CFAP299: variants seen among roughly 807,000 people sequenced by gnomAD.
CFAP299 encodes the protein cilia and flagella associated protein 299, also known as cilia- and flagella-associated protein 299.
A neutral mutation model predicts 27.0 loss-of-function variants in CFAP299; 21 were observed. The observed-to-expected ratio is 0.78, with a 90% CI of 0.55 to 1.12. The LOEUF is 1.12. Ranked by LOEUF, CFAP299 falls within the 50% of genes most tolerant of loss-of-function variation. CFAP299 has a pLI of 0.00. For missense variants in CFAP299, 310 were observed against 276.6 expected (o/e 1.12, Z -0.86); for synonymous variants, 104 against 98.1 (o/e 1.06, Z -0.36).
chr4:80,466,170 C>A (rs1729689799), intron 2 of CFAP299, among the ~76,000 whole-genome samples: 1 of 152,086 alleles, frequency 6.6e-6, no homozygotes. Flanking sequence ...TAATCAAGGA[C>A]AAAATAGCTT....
chr4:80,501,924 A>G (rs1731771283), intron 2 of CFAP299, among the ~76,000 whole-genome samples: 1 of 151,882 alleles, frequency 6.6e-6, no homozygotes. Flanking sequence ...ATTCTACCCA[A>G]CTGCCCAATA....
In CFAP299 at chr4:80,611,445, C is replaced by T. The variant is rs575705285; in HGVS notation, c.333+28262C>T. Among the ~76,000 whole-genome samples the T allele has an allele frequency of 1.9e-4, 29 of 152,188 alleles. 1 individual carries two copies. The highest frequency in any genetic ancestry group is 6.2e-4 in the South Asian group (3 of 4,822). ...ATGATTTAACTGTATACACAATCTACAACGGCAATCTAAATGTGCCCTTTA... is the reference window on the plus strand; with the variant it reads ...ATGATTTAACTGTATACACAATCTATAACGGCAATCTAAATGTGCCCTTTA... On this transcript the variant is annotated intron_variant, in intron 3 of 5. Transcript: ENST00000358105.
chr4:80,916,285 A>ATATATATATG (rs1225441332), intron 4 of CFAP299, among the ~76,000 whole-genome samples: 1 of 113,162 alleles, frequency 8.8e-6, no homozygotes, highest in Non-Finnish European at 1.7e-5. Context: ...ATATATATAT[A>ATATATATATG]TATATATATA....
chr4:80,846,111 T>G (rs1030098353), intron 3 of CFAP299, among the ~76,000 whole-genome samples: 1 of 152,130 alleles, frequency 6.6e-6, no homozygotes, highest in Non-Finnish European at 1.5e-5. Context: ...CAGCTCAAGC[T>G]CTAATAGGGA....
At chr4:80,541,936 T>A (rs1241403974) in intron 2 of CFAP299, among the ~76,000 whole-genome samples, 1 of 151,778 alleles carries the variant, frequency 6.6e-6, no homozygotes, top group Non-Finnish European at 1.5e-5. Context: ...GGACATTAGG[T>A]ATATCTCCCA....
intron 2 of CFAP299, among the ~76,000 whole-genome samples, chr4:80,446,936 T>A (rs1469096697): frequency 6.6e-6 from 1 of 152,160 alleles, no homozygotes; most frequent in Non-Finnish European, 1.5e-5. Flanking sequence ...AGTAAAAGAT[T>A]AAGTAAGCAT....
intron 3 of CFAP299, among the ~76,000 whole-genome samples, chr4:80,642,635 G>T (rs74319450): frequency 0.017 from 2,538 of 152,118 alleles, 49 homozygotes; most frequent in Admixed American, 0.058. Flanking sequence ...GTGGTGGCAC[G>T]TGCCTATAGT....
At position 80,450,595 on chromosome 4, in the gene CFAP299, AG is replaced by A. The variant is rs563229160; in HGVS notation, c.242+87713del. Among the ~76,000 whole-genome samples the A allele has an allele frequency of 2.5e-3, 383 of 152,224 alleles. 1 individual carries two copies. The highest frequency in any genetic ancestry group is 5.6e-3 in the Admixed American group (86 of 15,282). ...TGTGCACTGATGGTTAGGTTAGTTTAGGTTGCAGGAAAGCATACAAGATTTA... is the reference window on the plus strand; with the variant it reads ...TGTGCACTGATGGTTAGGTTAGTTTAGTTGCAGGAAAGCATACAAGATTTA... On this transcript the variant is annotated intron_variant, in intron 2 of 5. Coordinates refer to ENST00000358105, the MANE Select transcript of CFAP299 (RefSeq NM_152770.3).
At chr4:80,343,787 C>T (rs369389917) in intron 1 of CFAP299, among the ~76,000 whole-genome samples, 1 of 106,094 alleles carries the variant, frequency 9.4e-6, no homozygotes, top group Non-Finnish European at 1.7e-5. Context: ...GGCGACAGAG[C>T]GAGACTCCGT....
intron 2 of CFAP299, among the ~76,000 whole-genome samples, chr4:80,409,800 G>A (rs1017490044): frequency 7.9e-5 from 12 of 152,270 alleles, no homozygotes; most frequent in African/African-American, 1.4e-4. Context: ...AAAGCAAGAC[G>A]TAGAAAGAGC....
intron 4 of CFAP299, among the ~76,000 whole-genome samples, chr4:80,913,789 C>A (rs2110205488): frequency 6.6e-6 from 1 of 152,258 alleles, no homozygotes; most frequent in South Asian, 2.1e-4. Context: ...CTACACACCG[C>A]CACAATTAAG....
chr4:80,919,424 T>C (rs1735928722), intron 4 of CFAP299, among the ~76,000 whole-genome samples: 2 of 152,184 alleles, frequency 1.3e-5, no homozygotes, highest in African/African-American at 4.8e-5. Context: ...AATGCAGTCA[T>C]CTGCACATTA....
intron 3 of CFAP299, among the ~76,000 whole-genome samples, chr4:80,589,775 A>C (rs888187473): frequency 6.6e-6 from 1 of 152,206 alleles, no homozygotes; most frequent in Non-Finnish European, 1.5e-5. Context: ...GGTCGACAAA[A>C]ATTTAAAGAG....
intron 3 of CFAP299, among the ~76,000 whole-genome samples, chr4:80,743,755 G>C (rs1724422822): frequency 6.6e-6 from 1 of 152,164 alleles, no homozygotes; most frequent in Non-Finnish European, 1.5e-5. Flanking sequence ...GATAGGTGCA[G>C]TAAACCACCA....
At chr4:80,468,349 G>A (rs1023428137) in intron 2 of CFAP299, among the ~76,000 whole-genome samples, 12 of 151,188 alleles carry the variant, frequency 7.9e-5, no homozygotes, top group African/African-American at 2.2e-4. Flanking sequence ...TCAGCCTCCC[G>A]AGTAGCTGGA....
intron 3 of CFAP299, among the ~76,000 whole-genome samples, chr4:80,860,384 G>A (rs545805489): frequency 5.5e-4 from 84 of 152,012 alleles, no homozygotes; most frequent in African/African-American, 1.8e-3. Flanking sequence ...TAGTTTGATT[G>A]TCTGAGGCCT....
intron 3 of CFAP299, among the ~76,000 whole-genome samples, chr4:80,789,050 C>T (rs921686892): frequency 3.3e-5 from 5 of 152,104 alleles, no homozygotes; most frequent in East Asian, 3.9e-4. Flanking sequence ...ATAATGTTAA[C>T]ATAAAAGGCT....
chr4:80,525,797 A>G (rs1733147526), intron 2 of CFAP299, among the ~76,000 whole-genome samples: 1 of 152,012 alleles, frequency 6.6e-6, no homozygotes, highest in Admixed American at 6.6e-5. Flanking sequence ...AACTTTTTTG[A>G]TATCTCTGAA....
chr4:80,963,596 C>G lies in CFAP299; in HGVS notation c.686C>G (p.Ser229Cys). 6.2e-7 allele frequency: 1 copy of G among 1,600,588 alleles called. No homozygotes were observed. The change falls in exon 6 of 6, where the codon TCC becomes TGC. Residue 229 changes from serine to cysteine, a missense_variant. Transcript: ENST00000358105. ...CAAGCTGTCATTTTTGACCACATTT[C>G]CAGAAGGAAGACTTAAGTACCAACA... ...YVQAVIFDHI[S>C]RRKT is the part of the protein sequence containing the mutation.
Sources: allele counts gnomAD v4.1 joint callset (sites outside exome capture counted in the v4.1 genomes callset), GRCh38; gene constraint gnomAD v4.1.1; transcripts MANE v1.5; gene names NCBI Gene and HGNC (gene_info 2026-07-23, HGNC 2026-07-21).